Variants in FER1L6 observed in about 807,000 individuals in gnomAD.
FER1L6 encodes fer-1-like protein 6.
Under a neutral mutation model 219.2 loss-of-function variants are expected in FER1L6, and 177 were observed. That is an observed-to-expected ratio of 0.81 (90% confidence interval 0.71 to 0.91). FER1L6 has a LOEUF of 0.91. Ranked by LOEUF, FER1L6 falls within the 40% of genes least tolerant of loss-of-function variation. The pLI, the probability that FER1L6 is intolerant of heterozygous loss-of-function variation, is 0.00. For missense variants in FER1L6, 2,153 were observed against 2,259.9 expected (o/e 0.95, Z 0.96); for synonymous variants, 768 against 824.3 (o/e 0.93, Z 1.17).
At chr8:123,946,575 G>A (rs751227755) in intron 1 of FER1L6, among the ~76,000 whole-genome samples, 4 of 152,238 alleles carry the variant, frequency 2.6e-5, no homozygotes, top group Admixed American at 1.3e-4. Flanking sequence ...GTTTTGATTA[G>A]TGGTTTTCAA....
intron 31 of FER1L6, among the ~76,000 whole-genome samples, chr8:124,074,130 C>T (rs1821183834): frequency 6.6e-6 from 1 of 152,186 alleles, no homozygotes; most frequent in African/African-American, 2.4e-5. Context: ...TCCTCCTACT[C>T]TGGCCTTTCC....
At chr8:123,977,238 C>T (rs149327662) in intron 9 of FER1L6, among the ~76,000 whole-genome samples, 179 bp from the exon 10 acceptor site, 81 of 152,328 alleles carry the variant, frequency 5.3e-4, no homozygotes, top group African/African-American at 1.9e-3. Context: ...ATACCTGGCA[C>T]GGTGTCCAGC....
At chr8:124,074,093 C>A (rs183466946) in intron 31 of FER1L6, among the ~76,000 whole-genome samples, 1 of 152,260 alleles carries the variant, frequency 6.6e-6, no homozygotes, top group Admixed American at 6.5e-5. Flanking sequence ...CAGAGTTTCT[C>A]CATCTTTTTG....
chr8:124,035,369 G>A lies in FER1L6; in HGVS notation c.2379G>A (p.Leu793=), dbSNP rs777794478. ...CCATCAAGCATGCCAGTGCCATTTT[G>A]GACAACTTGCCAGTAGGCTATGAAG... The part of the protein sequence containing the change: ...LGSIKHASAI[L]DNLPVGYEAE... The change falls in exon 19 of 41, where the codon TTG becomes TTA. Residue 793 remains leucine (L), a synonymous_variant. Coordinates refer to ENST00000522917, the MANE Select transcript of FER1L6 (RefSeq NM_001039112.2). The A allele has an allele frequency of 1.1e-5, 17 of 1,613,952 alleles. No individual in the cohort carries two copies. The African/African-American group carries it at 2.1e-4, about 20-fold the overall frequency.
chr8:124,063,126 GTCCTTTGCCCATA>G (rs1185032361), intron 25 of FER1L6, among the ~76,000 whole-genome samples: 1 of 152,106 alleles, frequency 6.6e-6, no homozygotes, highest in African/African-American at 2.4e-5. Flanking sequence ...GCCAGTTCAT[GTCCTTTGCCCATA>G]TTTTATGTGC....
Position 124,094,933 on chromosome 8 carries a change from G to C in FER1L6, c.4590G>C (p.Lys1530Asn), listed in dbSNP as rs1431119845. Residue 1530 changes from lysine (K) to asparagine (N), a missense_variant, in exon 35 of 41, where the codon AAG becomes AAC. Lys to Asn is a moderately conservative substitution (Grantham distance 94). Coordinates refer to ENST00000522917, the MANE Select transcript of FER1L6 (RefSeq NM_001039112.2). ...TVESYEHLAL[K>N]VLHSWEDIPE... is the part of the protein sequence containing the mutation. ...AGTCTTATGAACACCTGGCCCTCAA[G>C]GTTTTACACTCTTGGGAGGATATCC... 6.2e-7 allele frequency: 1 copy of C among 1,614,138 alleles called. No individual in the cohort carries two copies. Among genetic ancestry groups the C allele is most frequent in the South Asian group, 1.1e-5 (1 of 91,084 alleles).
intron 1 of FER1L6, among the ~76,000 whole-genome samples, chr8:123,908,996 A>G (rs943267237): frequency 3.3e-5 from 5 of 152,238 alleles, no homozygotes; most frequent in Admixed American, 6.5e-5. Context: ...GATTATAGTC[A>G]ACTGGAGGGG....
At chr8:124,072,119 C>A (rs1197949407) in intron 31 of FER1L6, among the ~76,000 whole-genome samples, 1 of 152,170 alleles carries the variant, frequency 6.6e-6, no homozygotes, top group East Asian at 1.9e-4. Flanking sequence ...TATCTGCTCC[C>A]TATGGTTGCC....
intron 35 of FER1L6, among the ~76,000 whole-genome samples, chr8:124,096,442 A>C (rs930310365): frequency 6.6e-6 from 1 of 152,138 alleles, no homozygotes; most frequent in African/African-American, 2.4e-5. Context: ...TCATTCTTAT[A>C]AAATCCACCC....
At chr8:124,042,187 A>G (rs1201400719) in intron 20 of FER1L6, among the ~76,000 whole-genome samples, 2 of 152,250 alleles carry the variant, frequency 1.3e-5, no homozygotes, top group Admixed American at 6.5e-5. Context: ...TTGTATCTCC[A>G]TACAGCATCT....
intron 1 of FER1L6, among the ~76,000 whole-genome samples, chr8:123,930,698 G>T (rs994835786): frequency 6.6e-6 from 1 of 152,160 alleles, no homozygotes; most frequent in African/African-American, 2.4e-5. Flanking sequence ...TTTAAAATAG[G>T]GATGACACTA....
chr8:124,026,691 A>C (rs745634745), intron 18 of FER1L6, among the ~76,000 whole-genome samples: 45 of 137,452 alleles, frequency 3.3e-4, no homozygotes, highest in Non-Finnish European at 5.5e-4. Flanking sequence ...TCTAACCTCA[A>C]GAGTTTACTA....
chr8:123,978,717 A>AT (rs769489668), intron 10 of FER1L6, among the ~76,000 whole-genome samples: 4 of 152,172 alleles, frequency 2.6e-5, no homozygotes, highest in Non-Finnish European at 5.9e-5. Flanking sequence ...GGTTAATGTA[A>AT]TTATTTTAAT....
chr8:124,001,422 T>C lies in FER1L6; in HGVS notation c.1520-1745T>C, dbSNP rs116374433. On this transcript the variant is annotated intron_variant, in intron 12 of 40. Transcript: ENST00000522917. ...TAAAAACCCCATCTAATTATCCTGC[T>C]TCTCTGCTCTCATGCTCTGCCTTTG... Among the ~76,000 whole-genome samples the C allele has an allele frequency of 6.3e-3, 960 of 152,336 alleles. 15 individuals are homozygous for C. Among genetic ancestry groups the C allele is most frequent in the African/African-American group, 0.022 (928 of 41,566 alleles).
At chr8:123,933,358 C>T (rs1018199499) in intron 1 of FER1L6, among the ~76,000 whole-genome samples, 3 of 151,838 alleles carry the variant, frequency 2.0e-5, no homozygotes, top group Admixed American at 6.6e-5. Flanking sequence ...TCTGATCTTT[C>T]TATCATAGCA....
intron 1 of FER1L6, among the ~76,000 whole-genome samples, chr8:123,874,249 G>T (rs184019177): frequency 2.0e-5 from 3 of 152,158 alleles, no homozygotes; most frequent in South Asian, 4.2e-4. Flanking sequence ...CCCAGATGAC[G>T]ATTTCATACC....
intron 39 of FER1L6, among the ~76,000 whole-genome samples, chr8:124,103,616 T>C (rs1226245691): frequency 2.6e-5 from 4 of 152,204 alleles, no homozygotes. Flanking sequence ...AATTACCTTA[T>C]GCCTTCATCC....
chr8:124,033,563 C>T (rs1271541733), intron 18 of FER1L6, among the ~76,000 whole-genome samples: 1 of 152,144 alleles, frequency 6.6e-6, no homozygotes, highest in Non-Finnish European at 1.5e-5. Flanking sequence ...AGCTCCTCCA[C>T]ATACTGAGCA....
chr8:124,091,360 C>T (rs1229396876), intron 33 of FER1L6, 63 bp from the exon 34 acceptor site: 14 of 1,361,860 alleles, frequency 1.0e-5, no homozygotes, highest in Non-Finnish European at 1.4e-5. Flanking sequence ...AGAAACTGCA[C>T]AGATCATACT....
Sources: allele counts gnomAD v4.1 joint callset (sites outside exome capture counted in the v4.1 genomes callset), GRCh38; gene constraint gnomAD v4.1.1; transcripts MANE v1.5; gene names NCBI Gene and HGNC (gene_info 2026-07-23, HGNC 2026-07-21).